Variants in RANBP17 observed in about 807,000 individuals in gnomAD.
RANBP17 encodes the protein ran-binding protein 17.
In RANBP17, 158 loss-of-function variants were observed where a neutral mutation model predicts 141.2. The ratio of observed to expected loss-of-function variants is 1.12; its 90% CI spans 0.98 to 1.28. The LOEUF is 1.28. Among genes scored for constraint, RANBP17 ranks in the 50% most tolerant of loss-of-function variants. The pLI is 0.00. For missense variants in RANBP17, 1,438 were observed against 1,290.7 expected, an observed-to-expected ratio of 1.11 and a Z score of -1.75; for synonymous variants, 430 against 450.0, an observed-to-expected ratio of 0.96 and a Z score of 0.56.
rs183389221 is a variant in RANBP17, at chr5:171,081,894, C to T, written c.1711-88236C>T. Among the ~76,000 whole-genome samples, 3 of 152,168 alleles carry T rather than the reference C, an allele frequency of 2.0e-5. No individual in the cohort carries two copies. The East Asian group carries it at 5.8e-4, about 29-fold the overall frequency. On this transcript the variant is annotated intron_variant, in intron 14 of 27. Transcript: ENST00000523189. The stretch of plus-strand genomic sequence containing the variant: ...ACTCTTTCATGAATCTGTTTTAGAG[C>T]AGTCACTTAATGTTTGTCGTTTTTC...
At chr5:171,038,980 A>G (rs958636654) in intron 14 of RANBP17, among the ~76,000 whole-genome samples, 2 of 151,964 alleles carry the variant, frequency 1.3e-5, no homozygotes, top group Non-Finnish European at 2.9e-5. Context: ...TCCACCATTT[A>G]TGGGCACCTA....
At chr5:170,921,304 C>T (rs1035510102) in intron 11 of RANBP17, among the ~76,000 whole-genome samples, 6 of 152,160 alleles carry the variant, frequency 3.9e-5, no homozygotes, top group African/African-American at 1.2e-4. Flanking sequence ...CAGCTTTCTA[C>T]ATATGGCTAG....
chr5:171,227,680 A>G (rs1329490295), intron 22 of RANBP17, among the ~76,000 whole-genome samples: 1 of 152,222 alleles, frequency 6.6e-6, no homozygotes. Context: ...GGACTTTCAC[A>G]GCTAGCGAGG....
intron 14 of RANBP17, among the ~76,000 whole-genome samples, chr5:170,995,758 C>T (rs939256093): frequency 2.6e-5 from 4 of 152,120 alleles, no homozygotes; most frequent in Non-Finnish European, 4.4e-5. Flanking sequence ...AAATGTTTTA[C>T]ATGATTGATG....
chr5:171,152,832 A>G (rs1758590325), intron 14 of RANBP17, among the ~76,000 whole-genome samples: 1 of 152,242 alleles, frequency 6.6e-6, no homozygotes, highest in Non-Finnish European at 1.5e-5. Flanking sequence ...TTATATCTTA[A>G]TAAGTCTCAA....
intron 24 of RANBP17, chr5:171,252,906 T>C (rs1454462166): frequency 1.1e-5 from 16 of 1,439,834 alleles, no homozygotes; most frequent in Non-Finnish European, 1.5e-5. Flanking sequence ...CACAAGCTAT[T>C]GAAGAAGTCT....
intron 18 of RANBP17, among the ~76,000 whole-genome samples, chr5:171,199,464 G>A (rs1225473785): frequency 1.3e-5 from 2 of 152,180 alleles, no homozygotes; most frequent in African/African-American, 2.4e-5. Flanking sequence ...TGGCTGGTAA[G>A]TAATTTTGCT....
chr5:170,930,169 T>C (rs1773235345), intron 12 of RANBP17, among the ~76,000 whole-genome samples: 1 of 151,934 alleles, frequency 6.6e-6, no homozygotes, highest in Admixed American at 6.6e-5. Flanking sequence ...TTTTTTCGCC[T>C]TTATTATTTT....
At chr5:170,924,605 T>G in intron 12 of RANBP17, 55 bp downstream of exon 12, 1 of 1,121,604 alleles carries the variant, frequency 8.9e-7, no homozygotes, top group Non-Finnish European at 1.3e-6. Flanking sequence ...AGTAACATCA[T>G]TAATCACTTT....
chr5:171,031,550 C>G (rs546724074), intron 14 of RANBP17, among the ~76,000 whole-genome samples: 1 of 151,920 alleles, frequency 6.6e-6, no homozygotes, highest in African/African-American at 2.4e-5. Flanking sequence ...TTCTCCCTTT[C>G]CAGTTAGGAT....
chr5:171,008,150 T>C (rs1303554632), intron 14 of RANBP17, among the ~76,000 whole-genome samples: 1 of 152,222 alleles, frequency 6.6e-6, no homozygotes, highest in African/African-American at 2.4e-5. Flanking sequence ...TGCCGGAGTT[T>C]TGGGTACACA....
rs143442207 is a variant in RANBP17 at position 171,252,398 on chromosome 5, A to G, written c.2776+9578A>G. On this transcript the variant is annotated intron_variant, in intron 24 of 27. Coordinates refer to ENST00000523189, the MANE Select transcript of RANBP17 (RefSeq NM_022897.5). ...ACTTGTGAAACTATGAGCAGCAAAG[A>G]TGAAGATTTTTTAGACCTGTCTGTT... 583 of 1,533,238 alleles carry G rather than the reference A, an allele frequency of 3.8e-4. 3 individuals carry two copies. In the African/African-American group the frequency reaches 6.8e-3, roughly 18 times the overall value. The allele number at this position is 1,533,238 out of a possible 1,614,324, so 95.0% of individuals were successfully genotyped here.
At chr5:171,061,719 G>C (rs1028818930) in intron 14 of RANBP17, among the ~76,000 whole-genome samples, 4 of 152,136 alleles carry the variant, frequency 2.6e-5, no homozygotes, top group African/African-American at 9.7e-5. Context: ...GGGTTTCCTT[G>C]TTAACTTTCT....
rs114470279 is a variant in RANBP17 at position 171,234,733 on chromosome 5, G to C, written c.2423-6195G>C. On this transcript the variant is annotated intron_variant, in intron 22 of 27. Transcript: ENST00000523189. ...AGTAGTTGCCATCAACTGAGATGGA[G>C]AAGGCTAAGATGGGTGTGGGGGACC... Among the ~76,000 whole-genome samples, 178 of 152,310 alleles carry C rather than the reference G, an allele frequency of 1.2e-3. 1 individual carries two copies. Among genetic ancestry groups the C allele is most frequent in the African/African-American group, 4.0e-3 (166 of 41,568 alleles).
intron 14 of RANBP17, among the ~76,000 whole-genome samples, chr5:171,009,813 T>A (rs1779904517): frequency 6.6e-6 from 1 of 152,068 alleles, no homozygotes; most frequent in Admixed American, 6.6e-5. Flanking sequence ...GACAAAACAT[T>A]AAAGAAAAAG....
chr5:170,961,025 C>T (rs1447682924), intron 13 of RANBP17, among the ~76,000 whole-genome samples: 1 of 152,208 alleles, frequency 6.6e-6, no homozygotes, highest in Non-Finnish European at 1.5e-5. Context: ...GGATTACAGG[C>T]GTGAGCCACT....
At chr5:170,956,886 A>G (rs1775747022) in intron 13 of RANBP17, among the ~76,000 whole-genome samples, 1 of 151,778 alleles carries the variant, frequency 6.6e-6, no homozygotes, top group African/African-American at 2.4e-5. Context: ...CCTGGCTAAC[A>G]CGGTGAAACC....
chr5:171,141,600 A>G (rs1158246574), intron 14 of RANBP17, among the ~76,000 whole-genome samples: 3 of 125,542 alleles, frequency 2.4e-5, no homozygotes, highest in Non-Finnish European at 3.3e-5. Flanking sequence ...GTGTAGACTG[A>G]GATGGAGCGA....
At chr5:170,960,885 A>ACT in intron 13 of RANBP17, among the ~76,000 whole-genome samples, 1 of 152,304 alleles carries the variant, frequency 6.6e-6, no homozygotes, top group South Asian at 2.1e-4. Context: ...TAGCTGGGAT[A>ACT]CAGGCTCCTG....
Sources: allele counts gnomAD v4.1 joint callset (sites outside exome capture counted in the v4.1 genomes callset), GRCh38; gene constraint gnomAD v4.1.1; transcripts MANE v1.5; gene names NCBI Gene and HGNC (gene_info 2026-07-23, HGNC 2026-07-21).